Variants in FGF9 observed in about 807,000 individuals in gnomAD.
FGF9 encodes the protein fibroblast growth factor 9 (glia-activating factor).
A neutral mutation model predicts 19.9 loss-of-function variants in FGF9; 3 were observed. That is an observed-to-expected ratio of 0.15 (90% CI 0.07 to 0.39). The LOEUF is 0.39. Among genes scored for constraint, FGF9 ranks in the 10% least tolerant of loss-of-function variants. The pLI is 1.00. For missense variants in FGF9, 175 were observed against 256.8 expected, an observed-to-expected ratio of 0.68 and a Z score of 2.18; for synonymous variants, 107 against 106.9, an observed-to-expected ratio of 1.00 and a Z score of -0.01.
chr13:21,692,229 C>T (rs1872308819), intron 2 of FGF9, among the ~76,000 whole-genome samples: 2 of 152,178 alleles, frequency 1.3e-5, no homozygotes, highest in African/African-American at 4.8e-5. Flanking sequence ...GCTTTAGGTT[C>T]TCCTGCTCTA....
At position 21,703,027 on chromosome 13, in the gene FGF9, C is replaced by G. The variant is rs1593102437; in HGVS notation, c.*1592C>G. 1 of 152,116 alleles carries G rather than the reference C, an allele frequency of 6.6e-6. No individual in the cohort carries two copies. The highest frequency in any genetic ancestry group is 2.4e-5 in the African/African-American group (1 of 41,416). 9.4% of individuals were successfully genotyped at this position (152,116 alleles called of 1,614,324 possible). On this transcript the variant is annotated 3_prime_UTR_variant, in exon 3 of 3. Transcript: ENST00000382353. ...TTAGTAGCAATAATTTTGGAACTTG[C>G]CCTTGGGCAAGCGAGACTATTTCTT...
Position 21,702,883 on chromosome 13 carries a change from T to C in FGF9, c.*1448T>C, listed in dbSNP as rs1171168316. The C allele has an allele frequency of 6.6e-6, 1 of 152,228 alleles. No homozygotes were observed. The highest frequency in any genetic ancestry group is 1.5e-5 in the Non-Finnish European group (1 of 68,032). 9.4% of individuals were successfully genotyped at this position (152,228 alleles called of 1,614,324 possible). ...TATTATACTTGTTGACTGTGTTTTG[T>C]TTTTTAAAATGGTCTCCACAAGCGC... On this transcript the variant is annotated 3_prime_UTR_variant, in exon 3 of 3. Transcript: ENST00000382353.
chr13:21,701,493 C>T lies in FGF9; in HGVS notation c.*58C>T, dbSNP rs901376266. 20 of 1,611,888 alleles carry T rather than the reference C, an allele frequency of 1.2e-5. No homozygotes were observed. Among genetic ancestry groups the T allele is most frequent in the East Asian group, 6.7e-5 (3 of 44,868 alleles). ...AAGTAACCACTATAAAGGTTTCACGCGGTGGGTTCTTATTGATTCGCTGTG... is the reference window on the plus strand; with the variant it reads ...AAGTAACCACTATAAAGGTTTCACGTGGTGGGTTCTTATTGATTCGCTGTG... On this transcript the variant is annotated 3_prime_UTR_variant, in exon 3 of 3. Coordinates refer to ENST00000382353, the MANE Select transcript of FGF9 (RefSeq NM_002010.3).
At chr13:21,688,606 G>A (rs531272154) in intron 2 of FGF9, among the ~76,000 whole-genome samples, 56 of 152,210 alleles carry the variant, frequency 3.7e-4, no homozygotes, top group African/African-American at 1.3e-3. Flanking sequence ...AATCTTGTCT[G>A]ATACATATGC....
intron 2 of FGF9, among the ~76,000 whole-genome samples, chr13:21,693,653 C>T (rs751685760): frequency 1.1e-4 from 17 of 152,244 alleles, no homozygotes; most frequent in South Asian, 4.1e-4. Context: ...GCCGACAGTT[C>T]ATGAATGAGC....
intron 2 of FGF9, among the ~76,000 whole-genome samples, chr13:21,682,458 A>G (rs921466397): frequency 2.6e-5 from 4 of 152,188 alleles, no homozygotes; most frequent in Non-Finnish European, 5.9e-5. Flanking sequence ...TTCTACCATT[A>G]GGCTTGTAAA....
At chr13:21,683,785 G>A (rs1872095747) in intron 2 of FGF9, among the ~76,000 whole-genome samples, 1 of 152,202 alleles carries the variant, frequency 6.6e-6, no homozygotes. Flanking sequence ...TGCCTTCCTA[G>A]TCTTCTGTCT....
intron 2 of FGF9, among the ~76,000 whole-genome samples, chr13:21,699,172 G>A (rs1226951494): frequency 6.6e-6 from 1 of 152,194 alleles, no homozygotes; most frequent in East Asian, 1.9e-4. Flanking sequence ...GGGTGCAGGA[G>A]TGCCTCTCTC....
At chr13:21,688,043 T>C (rs1204172796) in intron 2 of FGF9, among the ~76,000 whole-genome samples, 1 of 151,964 alleles carries the variant, frequency 6.6e-6, no homozygotes, top group Admixed American at 6.6e-5. Flanking sequence ...AGGGTCAGAG[T>C]TGGGGACGGA....
chr13:21,683,812 A>G (rs1872096470), intron 2 of FGF9, among the ~76,000 whole-genome samples: 1 of 152,052 alleles, frequency 6.6e-6, no homozygotes, highest in Non-Finnish European at 1.5e-5. Context: ...CATTCTCCAC[A>G]CTGATGGCAG....
At position 21,686,228 on chromosome 13, in the gene FGF9, C is replaced by T. The variant is rs571467686; in HGVS notation, c.381+5083C>T. On this transcript the variant is annotated intron_variant, in intron 2 of 2. Transcript: ENST00000382353. ...GTTTTTAGTAGAGATGGGGTTTCAC[C>T]ATGTTGACCGGGCTGATCTTGAATT... 7.9e-5 allele frequency among the ~76,000 whole-genome samples: 12 copies of T among 152,244 alleles called. No individual in the cohort carries two copies. In the South Asian group the frequency reaches 2.5e-3, roughly 32 times the overall value.
At chr13:21,685,545 T>C (rs780751119) in intron 2 of FGF9, among the ~76,000 whole-genome samples, 6 of 152,238 alleles carry the variant, frequency 3.9e-5, no homozygotes, top group Non-Finnish European at 7.3e-5. Flanking sequence ...TAATTTTAAC[T>C]TGGGGATGGT....
chr13:21,677,069 G>T (rs952209450), intron 1 of FGF9, among the ~76,000 whole-genome samples: 4 of 152,160 alleles, frequency 2.6e-5, no homozygotes, highest in Admixed American at 1.3e-4. Flanking sequence ...ATCCAATGGG[G>T]TCCCAATGAG....
intron 2 of FGF9, among the ~76,000 whole-genome samples, chr13:21,700,703 A>C (rs989414649): frequency 3.9e-5 from 6 of 152,226 alleles, no homozygotes; most frequent in African/African-American, 1.4e-4. Context: ...GTCACCACAT[A>C]GCTGCTCTAG....
Position 21,703,459 on chromosome 13 carries a change from A to G in FGF9, c.*2024A>G, listed in dbSNP as rs1380796879. Reference sequence around the variant, plus strand: ...TAGGGGGAGGGGACAGAAGCAATGTAAAATAGTTGATTTATGATAAAGCTC... The same window carrying G: ...TAGGGGGAGGGGACAGAAGCAATGTGAAATAGTTGATTTATGATAAAGCTC... On this transcript the variant is annotated 3_prime_UTR_variant, in exon 3 of 3. Coordinates refer to ENST00000382353, the MANE Select transcript of FGF9 (RefSeq NM_002010.3). The G allele has an allele frequency of 6.6e-6, 1 of 152,238 alleles. No individual in the cohort carries two copies. The highest frequency in any genetic ancestry group is 1.5e-5 in the Non-Finnish European group (1 of 68,046). The allele number at this position is 152,238 out of a possible 1,614,324, so 9.4% of individuals were successfully genotyped here.
chr13:21,684,966 C>T (rs1489424021), intron 2 of FGF9, among the ~76,000 whole-genome samples: 1 of 152,180 alleles, frequency 6.6e-6, no homozygotes, highest in African/African-American at 2.4e-5. Flanking sequence ...GAGTGAAAGT[C>T]TTGTTCCTCA....
At chr13:21,677,233 G>A (rs933734419) in intron 1 of FGF9, among the ~76,000 whole-genome samples, 14 of 152,172 alleles carry the variant, frequency 9.2e-5, no homozygotes, top group African/African-American at 2.9e-4. Context: ...CAAAATGAGC[G>A]ACAGGCTGCC....
intron 2 of FGF9, among the ~76,000 whole-genome samples, chr13:21,687,956 G>A (rs1212564376): frequency 6.6e-6 from 1 of 152,166 alleles, no homozygotes; most frequent in Non-Finnish European, 1.5e-5. Context: ...TTGTGGCCCC[G>A]CAGATTATGC....
At chr13:21,680,900 G>A (rs1872026801) in intron 1 of FGF9, 142 bp from the exon 2 acceptor site, 1 of 625,550 alleles carries the variant, frequency 1.6e-6, no homozygotes, top group Admixed American at 2.5e-5. Flanking sequence ...TTTTCAAAGA[G>A]AAGACACTTC....
Sources: allele counts gnomAD v4.1 joint callset (sites outside exome capture counted in the v4.1 genomes callset), GRCh38; gene constraint gnomAD v4.1.1; transcripts MANE v1.5; gene names NCBI Gene and HGNC (gene_info 2026-07-23, HGNC 2026-07-21).